The following DNAAF4 variants were observed in gnomAD, a reference collection of about 807,000 sequenced individuals.
The protein encoded by DNAAF4 is dynein axonemal assembly factor 4.
In DNAAF4, 43 loss-of-function variants were observed where a neutral mutation model predicts 51.8. That is an observed-to-expected ratio of 0.83 (90% CI 0.65 to 1.07). DNAAF4 has a LOEUF of 1.07. Ranked by LOEUF, DNAAF4 falls within the 50% of genes least tolerant of loss-of-function variation. The probability of loss-of-function intolerance (pLI) is 0.00; values close to 1 mark genes in which losing one functional copy is unlikely to be tolerated. For synonymous variants in DNAAF4, 194 were observed against 165.6 expected, an observed-to-expected ratio of 1.17 and a Z score of -1.32; for missense variants, 581 against 493.0, an observed-to-expected ratio of 1.18 and a Z score of -1.69.
intron 4 of DNAAF4, among the ~76,000 whole-genome samples, chr15:55,486,046 G>GA (rs1204138618): frequency 1.3e-5 from 2 of 149,910 alleles, no homozygotes; most frequent in Non-Finnish European, 3.0e-5. Flanking sequence ...TAGCGAAGAG[G>GA]AAAAAAAAGC....
chr15:55,490,957 A>G (rs74830467), intron 4 of DNAAF4, 166 bp downstream of exon 4: 14 of 510,560 alleles, frequency 2.7e-5, no homozygotes, highest in South Asian at 2.3e-4. Flanking sequence ...CGGTCTCAAG[A>G]AAAAAAAAAA....
chr15:55,418,396 T>A (rs1002118338), intron 7 of DNAAF4: 41 of 1,533,896 alleles, frequency 2.7e-5, no homozygotes, highest in Non-Finnish European at 3.5e-5. Flanking sequence ...CCAATTCAAG[T>A]CATTATGGTG....
intron 5 of DNAAF4, among the ~76,000 whole-genome samples, chr15:55,457,806 C>T (rs950220680): frequency 6.6e-6 from 1 of 152,226 alleles, no homozygotes; most frequent in African/African-American, 2.4e-5. Flanking sequence ...CCACTTCACT[C>T]ACCTGCCACC....
chr15:55,481,574 C>A (rs1292834750), intron 4 of DNAAF4, among the ~76,000 whole-genome samples: 7 of 152,214 alleles, frequency 4.6e-5, no homozygotes, highest in African/African-American at 1.7e-4. Context: ...CAAGAAGTCA[C>A]CCTCTCTCCA....
intron 3 of DNAAF4, among the ~76,000 whole-genome samples, chr15:55,497,362 A>G (rs2058654466): frequency 6.6e-6 from 1 of 152,024 alleles, no homozygotes; most frequent in African/African-American, 2.4e-5. Context: ...TTGGGAGGTC[A>G]AGGCGGGTGG....
intron 4 of DNAAF4, among the ~76,000 whole-genome samples, chr15:55,469,782 G>T (rs927682715): frequency 6.6e-6 from 1 of 151,746 alleles, no homozygotes; most frequent in African/African-American, 2.4e-5. Flanking sequence ...GAGCCACTGC[G>T]CCCGGCCTAT....
chr15:55,507,752 G>A (rs1595966807), intron 1 of DNAAF4, among the ~76,000 whole-genome samples: 1 of 152,270 alleles, frequency 6.6e-6, no homozygotes, highest in South Asian at 2.1e-4. Context: ...AGCACTTTGG[G>A]AGTGTCACTT....
In DNAAF4 at chr15:55,471,206, G is replaced by A. The variant is rs950942727; in HGVS notation, c.406-4045C>T. 5.3e-5 allele frequency among the ~76,000 whole-genome samples: 8 copies of A among 152,226 alleles called. No homozygotes were observed. The East Asian group carries it at 1.4e-3, about 26-fold the overall frequency. ...CTCCAGCCCCTATCAAAATGATGGGGAGGGGTGCTGCAAGTTCCAGACAAC... is the reference window on the plus strand; with the variant it reads ...CTCCAGCCCCTATCAAAATGATGGGAAGGGGTGCTGCAAGTTCCAGACAAC... On this transcript the variant is annotated intron_variant, in intron 4 of 9. Coordinates refer to ENST00000321149, the MANE Select transcript of DNAAF4 (RefSeq NM_130810.4).
intron 4 of DNAAF4, among the ~76,000 whole-genome samples, chr15:55,482,068 T>C (rs1346202096): frequency 6.6e-6 from 1 of 152,254 alleles, no homozygotes; most frequent in Admixed American, 6.5e-5. Flanking sequence ...GCTTACACTC[T>C]GTGGAGTGTA....
intron 7 of DNAAF4, among the ~76,000 whole-genome samples, chr15:55,436,845 G>A (rs2057620340): frequency 6.7e-6 from 1 of 148,684 alleles, no homozygotes; most frequent in African/African-American, 2.5e-5. Flanking sequence ...TCTTGAGATG[G>A]AGTCTCACTC....
intron 4 of DNAAF4, 130 bp from the exon 5 acceptor site, chr15:55,467,291 G>A: frequency 1.1e-6 from 1 of 870,226 alleles, no homozygotes; most frequent in Non-Finnish European, 1.7e-6. Flanking sequence ...ACAATAGGTA[G>A]TAGTGAATTA....
At chr15:55,422,967 A>G (rs192537865) in intron 7 of DNAAF4, among the ~76,000 whole-genome samples, 1 of 152,192 alleles carries the variant, frequency 6.6e-6, no homozygotes, top group Admixed American at 6.6e-5. Context: ...ATTGCACTCC[A>G]GCCTGGGTGA....
At chr15:55,471,674 C>T (rs1042508899) in intron 4 of DNAAF4, among the ~76,000 whole-genome samples, 11 of 151,726 alleles carry the variant, frequency 7.2e-5, no homozygotes, top group African/African-American at 2.2e-4. Flanking sequence ...CTACCACGCC[C>T]GGCTAATTTT....
At chr15:55,440,770 C>A (rs1015605939) in intron 6 of DNAAF4, among the ~76,000 whole-genome samples, 1 of 151,894 alleles carries the variant, frequency 6.6e-6, no homozygotes, top group African/African-American at 2.4e-5. Flanking sequence ...TACCCTCTGC[C>A]TCCTGGGTTC....
intron 3 of DNAAF4, chr15:55,495,289 C>T (rs1038167128): frequency 2.0e-5 from 3 of 151,326 alleles, no homozygotes; most frequent in African/African-American, 4.9e-5. Flanking sequence ...GCTGAATACC[C>T]GATCTTAGAA....
At chr15:55,476,359 AG>A (rs1289410191) in intron 4 of DNAAF4, among the ~76,000 whole-genome samples, 1 of 152,072 alleles carries the variant, frequency 6.6e-6, no homozygotes, top group Non-Finnish European at 1.5e-5. Flanking sequence ...AGGCTGGGGC[AG>A]GAAGACTGCT....
At chr15:55,442,855 C>T (rs913196498) in intron 6 of DNAAF4, 1 of 1,612,672 alleles carries the variant, frequency 6.2e-7, no homozygotes, top group Admixed American at 1.7e-5. Context: ...CATCATTGCA[C>T]ACATACCAAC....
At chr15:55,489,697 A>C (rs955411563) in intron 4 of DNAAF4, among the ~76,000 whole-genome samples, 3 of 149,298 alleles carry the variant, frequency 2.0e-5, no homozygotes, top group Non-Finnish European at 4.5e-5. Flanking sequence ...AAAAAAAGTT[A>C]AGTGGAAGTG....
At chr15:55,446,693 C>A (rs1378373463) in intron 6 of DNAAF4, among the ~76,000 whole-genome samples, 1 of 135,236 alleles carries the variant, frequency 7.4e-6, no homozygotes, top group Non-Finnish European at 1.6e-5. Flanking sequence ...ACGGGGTGGC[C>A]GGGCAGAGGC....
Sources: allele counts gnomAD v4.1 joint callset (sites outside exome capture counted in the v4.1 genomes callset), GRCh38; gene constraint gnomAD v4.1.1; transcripts MANE v1.5; gene names NCBI Gene and HGNC (gene_info 2026-07-23, HGNC 2026-07-21).